The following MED12L variants were observed in gnomAD, a reference collection of about 807,000 sequenced individuals.
The protein encoded by MED12L is mediator complex subunit 12L.
A neutral mutation model predicts 281.3 loss-of-function variants in MED12L; 60 were observed. The ratio of observed to expected loss-of-function variants is 0.21; its 90% CI spans 0.17 to 0.26. MED12L has a LOEUF of 0.26. Among genes scored for constraint, MED12L ranks in the 10% least tolerant of loss-of-function variants. The pLI is 1.00. For missense variants in MED12L, 2,146 were observed against 2,680.9 expected, an observed-to-expected ratio of 0.80 and a Z score of 4.41; for synonymous variants, 974 against 987.2, an observed-to-expected ratio of 0.99 and a Z score of 0.25.
chr3:151,369,790 A>G (rs1445561389), intron 26 of MED12L, among the ~76,000 whole-genome samples: 3 of 152,198 alleles, frequency 2.0e-5, no homozygotes, highest in South Asian at 4.1e-4. Flanking sequence ...TTTTAGTTGC[A>G]TAATGTCTCA....
intron 11 of MED12L, among the ~76,000 whole-genome samples, chr3:151,174,894 AT>A (rs1366434995): frequency 6.7e-6 from 1 of 148,914 alleles, no homozygotes; most frequent in Non-Finnish European, 1.5e-5. Context: ...GTCTCACTAT[AT>A]TCCTCAGGCT....
intron 2 of MED12L, among the ~76,000 whole-genome samples, chr3:151,105,590 A>T (rs1463172075): frequency 6.6e-6 from 1 of 152,140 alleles, no homozygotes; most frequent in African/African-American, 2.4e-5. Flanking sequence ...ACACTGTCTC[A>T]GTCTTTTTTG....
chr3:151,266,889 CTG>C (rs1303272549), intron 16 of MED12L, among the ~76,000 whole-genome samples: 1 of 152,200 alleles, frequency 6.6e-6, no homozygotes, highest in Non-Finnish European at 1.5e-5. Context: ...TTGTAGGAGT[CTG>C]TAACTTTTAT....
At chr3:151,120,004 A>G (rs976217954) in intron 3 of MED12L, among the ~76,000 whole-genome samples, 11 of 151,492 alleles carry the variant, frequency 7.3e-5, no homozygotes, top group Non-Finnish European at 1.5e-4. Context: ...GGATTATCTG[A>G]AGTCAGGAGT....
At chr3:151,372,844 C>T (rs1756360854) in intron 27 of MED12L, 78 bp downstream of exon 27, 2 of 1,150,916 alleles carry the variant, frequency 1.7e-6, no homozygotes, top group African/African-American at 1.5e-5. Flanking sequence ...TTATAGGAAA[C>T]TTGTGCATAG....
intron 5 of MED12L, among the ~76,000 whole-genome samples, chr3:151,141,178 G>GTTTTTTTTTTTTTTTTTTTTTTTTTT (rs370095367): frequency 3.9e-5 from 4 of 102,232 alleles, no homozygotes; most frequent in African/African-American, 1.7e-4. Flanking sequence ...TTTTTTTTTT[G>GTTTTTTTTTTTTTTTTTTTTTTTTTT]TTTTTTTTGT....
intron 2 of MED12L, among the ~76,000 whole-genome samples, chr3:151,089,013 A>G (rs1227458591): frequency 1.3e-5 from 2 of 152,148 alleles, no homozygotes; most frequent in East Asian, 1.9e-4. Flanking sequence ...GTGGTTGGTG[A>G]GTAGAGTTTC....
intron 42 of MED12L, among the ~76,000 whole-genome samples, chr3:151,414,292 CTCTAA>C (rs763909781): frequency 4.9e-4 from 74 of 152,248 alleles, no homozygotes; most frequent in Non-Finnish European, 8.7e-4. Flanking sequence ...GTACAGTGGG[CTCTAA>C]TCTTATCAGC....
intron 2 of MED12L, among the ~76,000 whole-genome samples, chr3:151,102,505 T>C (rs1359922517): frequency 6.6e-6 from 1 of 152,148 alleles, no homozygotes; most frequent in Non-Finnish European, 1.5e-5. Context: ...TTCCATTCTC[T>C]TTCCCCTCTT....
chr3:151,274,655 C>T (rs1021719509), intron 16 of MED12L, among the ~76,000 whole-genome samples: 1 of 152,170 alleles, frequency 6.6e-6, no homozygotes, highest in Non-Finnish European at 1.5e-5. Context: ...CAGTAAATGA[C>T]TTCTGATGAG....
chr3:151,326,311 CTTTAT>C (rs1305762665), intron 16 of MED12L: 1 of 152,558 alleles, frequency 6.6e-6, no homozygotes, highest in African/African-American at 2.4e-5. Context: ...ACCAAATGGG[CTTTAT>C]TTTATCAAAC....
intron 16 of MED12L, among the ~76,000 whole-genome samples, chr3:151,286,701 A>T (rs1001895955): frequency 9.9e-5 from 15 of 152,192 alleles, no homozygotes; most frequent in African/African-American, 3.6e-4. Context: ...TTTCCTATGT[A>T]TTGTGAACAT....
chr3:151,096,145 A>G (rs1397208378), intron 2 of MED12L, among the ~76,000 whole-genome samples: 2 of 152,154 alleles, frequency 1.3e-5, no homozygotes, highest in Non-Finnish European at 2.9e-5. Flanking sequence ...GCCTATGGAG[A>G]AAAGACAACA....
At chr3:151,121,422 A>G (rs1025522471) in intron 3 of MED12L, among the ~76,000 whole-genome samples, 1 of 152,252 alleles carries the variant, frequency 6.6e-6, no homozygotes, top group Non-Finnish European at 1.5e-5. Context: ...AAAGAATGTC[A>G]GGCTTTTTAC....
chr3:151,383,989 C>T, intron 34 of MED12L, 94 bp from the exon 35 acceptor site: 2 of 1,485,326 alleles, frequency 1.3e-6, no homozygotes, highest in Non-Finnish European at 1.8e-6. Flanking sequence ...TACTTGGATG[C>T]TATTAAAAAT....
At chr3:151,426,511 C>A (rs1718888237) in intron 43 of MED12L, among the ~76,000 whole-genome samples, 1 of 152,070 alleles carries the variant, frequency 6.6e-6, no homozygotes, top group African/African-American at 2.4e-5. Context: ...TAGCCAGAGG[C>A]CTTGAGAGGA....
intron 2 of MED12L, among the ~76,000 whole-genome samples, chr3:151,106,207 T>G (rs865778446): frequency 1.3e-5 from 2 of 148,810 alleles, no homozygotes; most frequent in Non-Finnish European, 3.0e-5. Flanking sequence ...TCACCTTCTG[T>G]TTTTTTTTCT....
At chr3:151,364,079 T>C (rs888022180) in intron 21 of MED12L, among the ~76,000 whole-genome samples, 10 of 152,150 alleles carry the variant, frequency 6.6e-5, no homozygotes, top group Non-Finnish European at 1.5e-4. Context: ...AAACAGACTT[T>C]CTGATGCATA....
intron 16 of MED12L, among the ~76,000 whole-genome samples, chr3:151,199,970 G>GAA (rs1725294879): frequency 6.6e-6 from 1 of 151,666 alleles, no homozygotes; most frequent in Non-Finnish European, 1.5e-5. Context: ...AAAACAAACA[G>GAA]AAAAAAACCA....
Sources: gnomAD v4.1 joint callset for allele counts (sites outside exome capture counted in the v4.1 genomes callset) on GRCh38, gnomAD v4.1.1 for gene constraint, MANE v1.5 for transcripts, NCBI Gene and HGNC (gene_info 2026-07-23, HGNC 2026-07-21) for gene names.